KCNMB2: variants seen among roughly 807,000 people sequenced by gnomAD.
KCNMB2 encodes the protein potassium calcium-activated channel subfamily M regulatory beta subunit 2.
A neutral mutation model predicts 24.5 loss-of-function variants in KCNMB2; 9 were observed. The ratio of observed to expected loss-of-function variants is 0.37; its 90% confidence interval spans 0.22 to 0.64. KCNMB2 has a LOEUF of 0.64. Ranked by LOEUF, KCNMB2 falls within the 30% of genes least tolerant of loss-of-function variation. The pLI is 0.63. For missense variants in KCNMB2, 226 were observed against 284.3 expected, an observed-to-expected ratio of 0.79 and a Z score of 1.47; for synonymous variants, 109 against 104.4, an observed-to-expected ratio of 1.04 and a Z score of -0.27.
At chr3:178,729,552 G>GTGAGA in intron 1 of KCNMB2, among the ~76,000 whole-genome samples, 1 of 152,244 alleles carries the variant, frequency 6.6e-6, no homozygotes, top group Non-Finnish European at 1.5e-5. Context: ...ATTTTATGTG[G>GTGAGA]TGAGATTTTC....
At chr3:178,718,779 AT>A (rs1253477617) in intron 1 of KCNMB2, among the ~76,000 whole-genome samples, 1 of 151,978 alleles carries the variant, frequency 6.6e-6, no homozygotes, top group African/African-American at 2.4e-5. Flanking sequence ...CTTTAGTCTG[AT>A]TTTTTTTCTC....
At chr3:178,660,203 T>C (rs184893716) in intron 1 of KCNMB2, among the ~76,000 whole-genome samples, 1 of 152,336 alleles carries the variant, frequency 6.6e-6, no homozygotes, top group Admixed American at 6.5e-5. Context: ...TTGTCTCATC[T>C]CTTAGTATTT....
chr3:178,667,387 C>T (rs1226057658), intron 1 of KCNMB2, among the ~76,000 whole-genome samples: 3 of 152,062 alleles, frequency 2.0e-5, no homozygotes, highest in Non-Finnish European at 4.4e-5. Context: ...TTATGACCCT[C>T]ATAAAAAAGG....
chr3:178,599,907 C>G (rs1290840252), intron 1 of KCNMB2, among the ~76,000 whole-genome samples: 1 of 152,192 alleles, frequency 6.6e-6, no homozygotes, highest in African/African-American at 2.4e-5. Context: ...GAGTCTCACT[C>G]TTTCACCCAG....
intron 1 of KCNMB2, among the ~76,000 whole-genome samples, chr3:178,605,519 T>C (rs1289875627): frequency 6.6e-6 from 1 of 152,148 alleles, no homozygotes; most frequent in African/African-American, 2.4e-5. Flanking sequence ...TAGGAAAAGT[T>C]TGCATTTCCA....
At chr3:178,665,493 T>C (rs1196781170) in intron 1 of KCNMB2, among the ~76,000 whole-genome samples, 1 of 152,186 alleles carries the variant, frequency 6.6e-6, no homozygotes, top group African/African-American at 2.4e-5. Context: ...ATAGTGTTTC[T>C]TTATAGTGTT....
chr3:178,759,457 A>ATATATATATC (rs1711599940), intron 1 of KCNMB2, among the ~76,000 whole-genome samples: 2 of 45,576 alleles, frequency 4.4e-5, no homozygotes, highest in South Asian at 7.1e-4. Context: ...ATATATATAT[A>ATATATATATC]TCTCCAAGAG....
chr3:178,573,009 A>C (rs1308682883), intron 1 of KCNMB2, among the ~76,000 whole-genome samples: 1 of 152,098 alleles, frequency 6.6e-6, no homozygotes, highest in Non-Finnish European at 1.5e-5. Flanking sequence ...ATGTAAATAC[A>C]TTTGAGGAAG....
At chr3:178,698,275 A>G (rs1721953190) in intron 1 of KCNMB2, among the ~76,000 whole-genome samples, 1 of 152,176 alleles carries the variant, frequency 6.6e-6, no homozygotes, top group African/African-American at 2.4e-5. Context: ...ACAGATTCAT[A>G]TCTTTACATA....
Position 178,819,096 on chromosome 3 carries a change from G to A in KCNMB2, c.57-6492G>A, listed in dbSNP as rs78467572. 3.5e-3 allele frequency among the ~76,000 whole-genome samples: 540 copies of A among 152,284 alleles called. 2 individuals are homozygous for A. Among genetic ancestry groups the A allele is most frequent in the African/African-American group, 0.012 (509 of 41,544 alleles). On this transcript the variant is annotated intron_variant, in intron 2 of 4. Coordinates refer to ENST00000452583, the MANE Select transcript of KCNMB2 (RefSeq NM_181361.3). ...GGCCAATTTAATCCATAACATGTCTGTAGTTACGGTTTTTAATTCCTGACA... is the reference window on the plus strand; with the variant it reads ...GGCCAATTTAATCCATAACATGTCTATAGTTACGGTTTTTAATTCCTGACA...
At chr3:178,556,078 A>T (rs115988673) in intron 1 of KCNMB2, among the ~76,000 whole-genome samples, 3,336 of 152,300 alleles carry the variant, frequency 0.022, 111 homozygotes, top group African/African-American at 0.076. Context: ...GATAACCAGA[A>T]TTTAGAAGCC....
chr3:178,653,264 T>G (rs1720197263), intron 1 of KCNMB2, among the ~76,000 whole-genome samples: 1 of 152,136 alleles, frequency 6.6e-6, no homozygotes, highest in African/African-American at 2.4e-5. Context: ...ATCTGATTTT[T>G]GCTAATATAA....
intron 1 of KCNMB2, among the ~76,000 whole-genome samples, chr3:178,691,228 G>A (rs2108329341): frequency 6.8e-6 from 1 of 147,042 alleles, no homozygotes; most frequent in African/African-American, 2.5e-5. Context: ...GATTACAGGT[G>A]TGAGCCACAC....
At chr3:178,712,477 T>C (rs1032530029) in intron 1 of KCNMB2, among the ~76,000 whole-genome samples, 3 of 152,310 alleles carry the variant, frequency 2.0e-5, no homozygotes, top group Non-Finnish European at 2.9e-5. Flanking sequence ...AGATGTTGAA[T>C]GAGACAAACA....
At chr3:178,673,213 GCTTGTACC>G (rs1720965220) in intron 1 of KCNMB2, among the ~76,000 whole-genome samples, 1 of 152,010 alleles carries the variant, frequency 6.6e-6, no homozygotes, top group African/African-American at 2.4e-5. Context: ...CTTAATCTGT[GCTTGTACC>G]CTTCAGTTTA....
chr3:178,548,837 G>A (rs185556905), intron 1 of KCNMB2, among the ~76,000 whole-genome samples: 2 of 152,222 alleles, frequency 1.3e-5, no homozygotes, highest in East Asian at 3.9e-4. Flanking sequence ...CAAAATTGAA[G>A]ACAGGAACTA....
chr3:178,557,037 A>AGCC (rs1325502483), intron 1 of KCNMB2, among the ~76,000 whole-genome samples: 1 of 152,226 alleles, frequency 6.6e-6, no homozygotes, highest in Non-Finnish European at 1.5e-5. Flanking sequence ...TGAGGGAAGG[A>AGCC]GCCAGTAAAA....
chr3:178,740,237 GCCT>G (rs1723451118), intron 1 of KCNMB2, among the ~76,000 whole-genome samples: 2 of 151,766 alleles, frequency 1.3e-5, no homozygotes, highest in Non-Finnish European at 2.9e-5. Context: ...CCCTACCTCA[GCCT>G]CCTGAGTAGC....
chr3:178,805,366 T>C (rs913854156), intron 1 of KCNMB2, among the ~76,000 whole-genome samples: 6 of 152,228 alleles, frequency 3.9e-5, no homozygotes, highest in Non-Finnish European at 7.3e-5. Context: ...AGAGGAATCT[T>C]AGAAGCCAAC....
Sources: allele counts gnomAD v4.1 joint callset (sites outside exome capture counted in the v4.1 genomes callset), GRCh38; gene constraint gnomAD v4.1.1; transcripts MANE v1.5; gene names NCBI Gene and HGNC (gene_info 2026-07-23, HGNC 2026-07-21).